Variants in CARS1 observed in about 807,000 individuals in gnomAD.
CARS1 encodes cysteine--tRNA ligase, cytoplasmic.
In CARS1, 48 loss-of-function variants were observed where a neutral mutation model predicts 106.2. The observed-to-expected ratio is 0.45, with a 90% CI of 0.36 to 0.57. CARS1 has a LOEUF of 0.57. Among genes scored for constraint, CARS1 ranks in the 20% least tolerant of loss-of-function variants. CARS1 has a pLI of 0.00. For synonymous variants in CARS1, 409 were observed against 403.4 expected (o/e 1.01, Z -0.17); for missense variants, 968 against 1,057.2 (o/e 0.92, Z 1.17).
chr11:3,057,388 C>T lies in CARS1; in HGVS notation c.-21G>A, dbSNP rs764400683. 3.0e-5 allele frequency: 48 copies of T among 1,608,022 alleles called. No homozygotes were observed. The highest frequency in any genetic ancestry group is 4.1e-5 in the Non-Finnish European group (48 of 1,177,346). On this transcript the variant is annotated 5_prime_UTR_variant, in exon 1 of 23. Coordinates refer to ENST00000380525, the MANE Select transcript of CARS1 (RefSeq NM_001014437.3). ...GCCATGGCTGGGAATCCCGGACCCGCAGCTGCGGCTACAGACACTTCCTAG... is the reference window on the plus strand; with the variant it reads ...GCCATGGCTGGGAATCCCGGACCCGTAGCTGCGGCTACAGACACTTCCTAG...
rs1004746337 is a variant in CARS1, at chr11:3,008,830, T to G, written c.2069-1871A>C. 2.6e-5 allele frequency: 4 copies of G among 152,112 alleles called. No individual in the cohort carries two copies. The highest frequency in any genetic ancestry group is 5.9e-5 in the Non-Finnish European group (4 of 68,014). The allele number at this position is 152,112 out of a possible 1,614,324, so 9.4% of individuals were successfully genotyped here. A position where few individuals can be genotyped will look rare whatever the true frequency, so the allele number is the denominator to read the frequency against. On this transcript the variant is annotated intron_variant, in intron 18 of 22. Transcript: ENST00000380525. This position sits in a 1 kb window ranked among gnomAD's most constrained non-coding sequence, Gnocchi z 5.1. ...TGGGGCATGAGCTGAGGTAGGTGCC[T>G]GCCCTTCACTCTTTGAAAGCCACCC...
intron 7 of CARS1, among the ~76,000 whole-genome samples, chr11:3,036,351 A>G (rs1407559850): frequency 6.6e-6 from 1 of 152,204 alleles, no homozygotes; most frequent in African/African-American, 2.4e-5. Flanking sequence ...CAACCCAGCG[A>G]TTCCACTTGC....
At chr11:3,024,447 A>G (rs2134172324) in intron 10 of CARS1, among the ~76,000 whole-genome samples, 1 of 152,116 alleles carries the variant, frequency 6.6e-6, no homozygotes, top group East Asian at 1.9e-4. Flanking sequence ...TTTAAAAAAA[A>G]AATTTTTTTA....
rs905125731 is a variant in CARS1, at chr11:3,001,034, T to C, written c.*80A>G. 1.0e-5 allele frequency: 15 copies of C among 1,505,952 alleles called. No homozygotes were observed. Among genetic ancestry groups the C allele is most frequent in the Admixed American group, 1.7e-5 (1 of 58,856 alleles). The allele number at this position is 1,505,952 out of a possible 1,614,324, so 93.3% of individuals were successfully genotyped here. On this transcript the variant is annotated 3_prime_UTR_variant, in exon 23 of 23. Coordinates refer to ENST00000380525, the MANE Select transcript of CARS1 (RefSeq NM_001014437.3). ...GACCCAAGGGTGACTGTAAACATGA[T>C]AGGAGCGCTGGGACATTGTCACTGA...
In CARS1 at chr11:3,017,575, G is replaced by A. The variant is rs1445133259; in HGVS notation, c.1728-280C>T. On this transcript the variant is annotated intron_variant, in intron 15 of 22. Transcript: ENST00000380525. This position sits in a 1 kb window ranked among gnomAD's most constrained non-coding sequence, Gnocchi z 4.9. ...GGAGAATCGCTCGAACCCGGGAGGT[G>A]GAGGTTGTGGTGAGCCGAGATCACG... The A allele has an allele frequency of 9.0e-6, 5 of 554,242 alleles. No homozygotes were observed. 34.3% of individuals were successfully genotyped at this position (554,242 alleles called of 1,614,324 possible). A position where few individuals can be genotyped will look rare whatever the true frequency, so the allele number is the denominator to read the frequency against.
At chr11:3,057,162 C>CT (rs1434719837) in intron 1 of CARS1, among the ~76,000 whole-genome samples, 181 bp downstream of exon 1, 1 of 152,054 alleles carries the variant, frequency 6.6e-6, no homozygotes, top group African/African-American at 2.4e-5. Flanking sequence ...CCTCAGACCC[C>CT]GCGCACTGAC....
Position 3,029,148 on chromosome 11 carries a change from G to T in CARS1, c.943-64C>A. On this transcript the variant is annotated intron_variant, in intron 8 of 22. Coordinates refer to ENST00000380525, the MANE Select transcript of CARS1 (RefSeq NM_001014437.3). This position sits in a 1 kb window ranked among gnomAD's most constrained non-coding sequence, Gnocchi z 5.9. Reference sequence around the variant, plus strand: ...TGAAAACCACGCGCTCCATAAAAACGTTCCCAATTCATAAAACGAAAAGCC... The same window carrying T: ...TGAAAACCACGCGCTCCATAAAAACTTTCCCAATTCATAAAACGAAAAGCC... 1 of 1,446,228 alleles carries T rather than the reference G, an allele frequency of 6.9e-7. No homozygotes were observed. 89.6% of individuals were successfully genotyped at this position (1,446,228 alleles called of 1,614,324 possible).
intron 1 of CARS1, chr11:3,055,058 C>A: frequency 1.5e-6 from 1 of 670,494 alleles, no homozygotes; most frequent in Non-Finnish European, 2.7e-6. Flanking sequence ...CCAGTGAGAT[C>A]AGGAAAGAGA....
At chr11:3,002,784 C>G (rs1849517187) in intron 20 of CARS1, among the ~76,000 whole-genome samples, 184 bp from the exon 21 acceptor site, 1 of 152,190 alleles carries the variant, frequency 6.6e-6, no homozygotes, top group Admixed American at 6.5e-5. Flanking sequence ...GACCCTCTTC[C>G]ATTCCCTTTG....
rs1044144196 is a variant in CARS1, at chr11:3,040,602, T to G, written c.455+294A>C. 1.7e-6 allele frequency: 1 copy of G among 581,606 alleles called. No individual in the cohort carries two copies. The allele number at this position is 581,606 out of a possible 1,614,324, so 36.0% of individuals were successfully genotyped here. ...GAGAGCTTGAGGGATGAGAGAAAAC[T>G]TTAAGGTATGTGAGAAAAAGTGCCC... is the stretch of plus-strand genomic sequence containing the variant. On this transcript the variant is annotated intron_variant, in intron 4 of 22. Coordinates refer to ENST00000380525, the MANE Select transcript of CARS1 (RefSeq NM_001014437.3). The surrounding 1 kb of genome is among the most constrained non-coding windows in gnomAD (Gnocchi z 5.8).
Position 3,038,085 on chromosome 11 carries a change from T to C in CARS1, c.766A>G (p.Arg256Gly), listed in dbSNP as rs760093981. Residue 256 changes from arginine to glycine, a missense_variant, in exon 7 of 23, where the codon AGA becomes GGA. Physicochemically the swap from Arg to Gly is moderately radical, Grantham distance 125. Coordinates refer to ENST00000380525, the MANE Select transcript of CARS1 (RefSeq NM_001014437.3). The surrounding 1 kb of genome is among the most constrained non-coding windows in gnomAD (Gnocchi z 4.0). ...TEPLEKAVQS[R>G]LTGEEVNSCV... is the part of the protein sequence containing the mutation. ...CTGTTGACTTCCTCTCCCGTGAGTC[T>C]GGACTGCACAGCTTTCTCAAGTGGC... is the stretch of plus-strand genomic sequence containing the variant. The C allele has an allele frequency of 8.7e-6, 14 of 1,614,028 alleles. No individual in the cohort carries two copies. Among genetic ancestry groups the C allele is most frequent in the Non-Finnish European group, 1.2e-5 (14 of 1,179,956 alleles).
At chr11:3,051,010 T>C (rs1028415691) in intron 1 of CARS1, among the ~76,000 whole-genome samples, 1 of 152,204 alleles carries the variant, frequency 6.6e-6, no homozygotes, top group Non-Finnish European at 1.5e-5. Flanking sequence ...AGGGCACAGA[T>C]GAGTGGACAG....
chr11:3,048,172 G>A lies in CARS1; in HGVS notation c.26-171C>T, dbSNP rs1327075306. Among the ~76,000 whole-genome samples the A allele has an allele frequency of 6.6e-6, 1 of 152,186 alleles. No individual in the cohort carries two copies. The highest frequency in any genetic ancestry group is 1.5e-5 in the Non-Finnish European group (1 of 68,030). ...AGGCACAGGGGCAGCGCTTCGACTGGGGGCGAGGGAGTGACTGCCTGACAG... is the reference window on the plus strand; with the variant it reads ...AGGCACAGGGGCAGCGCTTCGACTGAGGGCGAGGGAGTGACTGCCTGACAG... On this transcript the variant is annotated intron_variant, in intron 1 of 22. Transcript: ENST00000380525. This position sits in a 1 kb window ranked among gnomAD's most constrained non-coding sequence, Gnocchi z 5.1.
intron 1 of CARS1, chr11:3,055,158 C>G (rs192303569): frequency 3.4e-6 from 2 of 580,456 alleles, no homozygotes; most frequent in African/African-American, 3.8e-5. Context: ...AAAGCATTTA[C>G]GATTGGATTT....
intron 7 of CARS1, among the ~76,000 whole-genome samples, chr11:3,036,346 C>T (rs1853634181): frequency 5.9e-5 from 9 of 152,176 alleles, no homozygotes; most frequent in Admixed American, 5.2e-4. Context: ...CTACACAACC[C>T]AGCGATTCCA....
Position 3,044,214 on chromosome 11 carries a change from T to C in CARS1, c.275-1958A>G, listed in dbSNP as rs1432191076. ...CGGGATCATCACACTCACCCTGCTA[T>C]GAGGAAACGGCCCAGGGTTCACAGG... On this transcript the variant is annotated intron_variant, in intron 2 of 22. Coordinates refer to ENST00000380525, the MANE Select transcript of CARS1 (RefSeq NM_001014437.3). The surrounding 1 kb of genome is among the most constrained non-coding windows in gnomAD (Gnocchi z 4.4). Among the ~76,000 whole-genome samples, 1 of 152,118 alleles carries C rather than the reference T, an allele frequency of 6.6e-6. No individual in the cohort carries two copies. The highest frequency in any genetic ancestry group is 2.1e-4 in the South Asian group (1 of 4,830).
At position 3,015,802 on chromosome 11, in the gene CARS1, T is replaced by G. The variant is rs1478755474; in HGVS notation, c.1965A>C (p.Gly655=). The G allele has an allele frequency of 1.2e-6, 2 of 1,614,096 alleles. No individual in the cohort carries two copies. The highest frequency in any genetic ancestry group is 1.7e-6 in the Non-Finnish European group (2 of 1,180,004). The change falls in exon 17 of 23, where the codon GGA becomes GGC. Residue 655 remains glycine (G), a synonymous_variant. Transcript: ENST00000380525. The part of the protein sequence containing the change: ...EEDSSLGFPV[G]GPGTSLSLEA... ...TCACACTGAGGCTGGTTCCAGGCCCTCCGACCGGGAATCCCAGGGAGCTGT... is the reference window on the plus strand; with the variant it reads ...TCACACTGAGGCTGGTTCCAGGCCCGCCGACCGGGAATCCCAGGGAGCTGT...
At chr11:3,042,525 G>C (rs1854602162) in intron 2 of CARS1, among the ~76,000 whole-genome samples, 1 of 151,766 alleles carries the variant, frequency 6.6e-6, no homozygotes, top group African/African-American at 2.4e-5. Context: ...CCCGACAACC[G>C]CGTCTTTCTT....
chr11:3,043,698 G>C lies in CARS1; in HGVS notation c.275-1442C>G, dbSNP rs1023241293. ...CCACACACTGATCACGGGGAAGTTG[G>C]TCCTGGGCACCAGCCATCTCTTGGC... On this transcript the variant is annotated intron_variant, in intron 2 of 22. Transcript: ENST00000380525. The surrounding 1 kb of genome is among the most constrained non-coding windows in gnomAD (Gnocchi z 4.0). Among the ~76,000 whole-genome samples the C allele has an allele frequency of 6.6e-6, 1 of 152,220 alleles. No homozygotes were observed. Among genetic ancestry groups the C allele is most frequent in the East Asian group, 1.9e-4 (1 of 5,168 alleles).
Sources: gnomAD v4.1 joint callset for allele counts (sites outside exome capture counted in the v4.1 genomes callset) on GRCh38, gnomAD v4.1.1 for gene constraint, Gnocchi (gnomAD v3.1) non-coding constraint, MANE v1.5 for transcripts, NCBI Gene and HGNC (gene_info 2026-07-23, HGNC 2026-07-21) for gene names.